The following R3HCC1L variants were observed in gnomAD, a reference collection of about 807,000 sequenced individuals.
The protein encoded by R3HCC1L is coiled-coil domain-containing protein R3HCC1L.
In R3HCC1L, 51 loss-of-function variants were observed where a neutral mutation model predicts 59.9. That is an observed-to-expected ratio of 0.85 (90% CI 0.68 to 1.07). The LOEUF (loss-of-function observed/expected upper bound fraction) is 1.07. Among genes scored for constraint, R3HCC1L ranks in the 50% least tolerant of loss-of-function variants. The pLI, the probability that R3HCC1L is intolerant of heterozygous loss-of-function variation, is 0.00. For missense variants in R3HCC1L, 965 were observed against 933.0 expected (o/e 1.03, Z -0.45); for synonymous variants, 322 against 315.2 (o/e 1.02, Z -0.23).
intron 4 of R3HCC1L, among the ~76,000 whole-genome samples, chr10:98,194,042 A>C (rs994058712): frequency 5.5e-5 from 8 of 144,908 alleles, no homozygotes; most frequent in African/African-American, 2.0e-4. Flanking sequence ...CTTGAGAAAG[A>C]AGAACAAAGC....
chr10:98,162,438 A>G (rs1214366774), intron 2 of R3HCC1L, among the ~76,000 whole-genome samples: 1 of 152,212 alleles, frequency 6.6e-6, no homozygotes, highest in Non-Finnish European at 1.5e-5. Flanking sequence ...TATTCTGTTG[A>G]CATTCAGCAA....
intron 4 of R3HCC1L, among the ~76,000 whole-genome samples, chr10:98,175,073 G>A (rs1212868872): frequency 2.0e-5 from 3 of 152,104 alleles, no homozygotes; most frequent in South Asian, 2.1e-4. Context: ...CATCGTTAAC[G>A]CGTGCAAAGT....
chr10:98,189,708 G>A (rs1290383268), intron 4 of R3HCC1L, among the ~76,000 whole-genome samples: 1 of 152,170 alleles, frequency 6.6e-6, no homozygotes, highest in African/African-American at 2.4e-5. Flanking sequence ...AATAACTAGT[G>A]CAAGTGCATT....
chr10:98,144,719 G>A (rs968613698), intron 1 of R3HCC1L, among the ~76,000 whole-genome samples: 15 of 152,152 alleles, frequency 9.9e-5, no homozygotes, highest in African/African-American at 2.9e-4. Context: ...TTATTCATAC[G>A]CAAAAGAAGT....
chr10:98,197,798 A>C (rs1271856229), intron 4 of R3HCC1L, among the ~76,000 whole-genome samples: 1 of 152,194 alleles, frequency 6.6e-6, no homozygotes, highest in Non-Finnish European at 1.5e-5. Context: ...ATGTATGTAA[A>C]GGTGTATGTA....
intron 5 of R3HCC1L, among the ~76,000 whole-genome samples, chr10:98,217,029 T>TA (rs1854289002): frequency 6.6e-6 from 1 of 152,202 alleles, no homozygotes; most frequent in African/African-American, 2.4e-5. Flanking sequence ...ACATGTCAGT[T>TA]ATAGTTGAAT....
At chr10:98,211,161 G>A (rs1386498331) in intron 5 of R3HCC1L, 15 of 562,540 alleles carry the variant, frequency 2.7e-5, no homozygotes, top group Middle Eastern at 2.6e-4. Flanking sequence ...GTACGTATGT[G>A]TGTTTTTTCA....
At chr10:98,210,613 T>C (rs556463978) in intron 5 of R3HCC1L, among the ~76,000 whole-genome samples, 1 of 152,286 alleles carries the variant, frequency 6.6e-6, no homozygotes, top group Admixed American at 6.5e-5. Context: ...CCTCTTTCCT[T>C]CCCTATAGTG....
chr10:98,183,829 G>A (rs1050594027), intron 4 of R3HCC1L, among the ~76,000 whole-genome samples: 8 of 151,762 alleles, frequency 5.3e-5, no homozygotes, highest in Non-Finnish European at 7.4e-5. Flanking sequence ...ACACATCTGC[G>A]TATGCATATT....
intron 5 of R3HCC1L, among the ~76,000 whole-genome samples, chr10:98,214,362 T>G (rs1191698903): frequency 6.6e-6 from 1 of 152,160 alleles, no homozygotes; most frequent in East Asian, 1.9e-4. Flanking sequence ...GGGCATTTTT[T>G]AATTTGTCAG....
At position 98,244,169 on chromosome 10, in the gene R3HCC1L, A is replaced by G. The variant is rs1290808091; in HGVS notation, c.*11A>G. ...CAGTCTACAGTTTGAACATCACTCA[A>G]TGAAAGGGATAATTCCATGAATCAG... On this transcript the variant is annotated 3_prime_UTR_variant, in exon 10 of 10. Coordinates refer to ENST00000298999, the MANE Select transcript of R3HCC1L (RefSeq NM_001351015.2). 3.1e-6 allele frequency: 5 copies of G among 1,610,730 alleles called. No individual in the cohort carries two copies. The highest frequency in any genetic ancestry group is 2.2e-5 in the East Asian group (1 of 44,866).
intron 4 of R3HCC1L, among the ~76,000 whole-genome samples, chr10:98,176,962 G>A (rs980149774): frequency 1.3e-5 from 2 of 151,856 alleles, no homozygotes; most frequent in Non-Finnish European, 2.9e-5. Context: ...AGATAATCAT[G>A]TATTTTATTT....
At chr10:98,228,442 T>G in intron 5 of R3HCC1L, among the ~76,000 whole-genome samples, 1 of 152,236 alleles carries the variant, frequency 6.6e-6, no homozygotes, top group East Asian at 1.9e-4. Context: ...TGTTTTTTTC[T>G]TGTAAATTTG....
At position 98,173,278 on chromosome 10, in the gene R3HCC1L, C is replaced by T. The variant is rs913969905; in HGVS notation, c.-15+9881C>T. On this transcript the variant is annotated intron_variant, in intron 4 of 9. Transcript: ENST00000298999. ...AGGAACATTGAGCCTTCTGAGAGAGCCTCTTAGTGTAGCTCTGTGCTCATG... is the reference window on the plus strand; with the variant it reads ...AGGAACATTGAGCCTTCTGAGAGAGTCTCTTAGTGTAGCTCTGTGCTCATG... 3.9e-5 allele frequency among the ~76,000 whole-genome samples: 6 copies of T among 152,244 alleles called. No individual in the cohort carries two copies. The East Asian group carries it at 7.7e-4, about 20-fold the overall frequency.
chr10:98,225,007 A>G (rs1195529588), intron 5 of R3HCC1L, among the ~76,000 whole-genome samples: 1 of 152,364 alleles, frequency 6.6e-6, no homozygotes, highest in East Asian at 1.9e-4. Context: ...TTAACCTAAT[A>G]TGTTCAAAAT....
chr10:98,163,279 T>G lies in R3HCC1L; in HGVS notation c.-119-14T>G, dbSNP rs1847624484. ...GTATTTTTATAAAAATAACTTATTA[T>G]TACTATTTTTCAGGTGAGGCTGCTG... is the stretch of plus-strand genomic sequence containing the variant. On this transcript the variant is annotated splice_polypyrimidine_tract_variant and intron_variant, in intron 3 of 9. Transcript: ENST00000298999. 3 of 514,602 alleles carry G rather than the reference T, an allele frequency of 5.8e-6. No individual in the cohort carries two copies. The highest frequency in any genetic ancestry group is 9.7e-6 in the Non-Finnish European group (3 of 308,148). The allele number at this position is 514,602 out of a possible 1,614,324, so 31.9% of individuals were successfully genotyped here.
intron 1 of R3HCC1L, among the ~76,000 whole-genome samples, chr10:98,154,809 T>G (rs1228671401): frequency 6.6e-6 from 1 of 152,232 alleles, no homozygotes; most frequent in Non-Finnish European, 1.5e-5. Context: ...ATTACTGAAC[T>G]ATGAGTACAA....
In R3HCC1L at chr10:98,211,490, T is replaced by C. The variant is rs189445088; in HGVS notation, c.1785+1591T>C. ...ATAATAAGGTGGGAAGCTAGGTGAA[T>C]ATAGAGATGTTATTAAGAACTAAAG... On this transcript the variant is annotated intron_variant, in intron 5 of 9. Transcript: ENST00000298999. 2.5e-4 allele frequency: 288 copies of C among 1,150,492 alleles called. 1 individual carries two copies. The African/African-American group carries it at 4.2e-3, about 17-fold the overall frequency. The allele number at this position is 1,150,492 out of a possible 1,614,324, so 71.3% of individuals were successfully genotyped here. A position where few individuals can be genotyped will look rare whatever the true frequency, so the allele number is the denominator to read the frequency against.
rs910733211 is a variant in R3HCC1L, at chr10:98,233,004, A to G, written c.1961+1317A>G. ...CTGGATGACAGTTAATCTCTGCCAT[A>G]AACTTTAAATGTATAGTGTGTAGGT... On this transcript the variant is annotated intron_variant, in intron 6 of 9. Transcript: ENST00000298999. 2.6e-5 allele frequency among the ~76,000 whole-genome samples: 4 copies of G among 152,300 alleles called. No individual in the cohort carries two copies. The South Asian group carries it at 6.2e-4, about 24-fold the overall frequency.
Sources: gnomAD v4.1 joint callset for allele counts (sites outside exome capture counted in the v4.1 genomes callset) on GRCh38, gnomAD v4.1.1 for gene constraint, MANE v1.5 for transcripts, NCBI Gene and HGNC (gene_info 2026-07-23, HGNC 2026-07-21) for gene names.